ROBO1: variants seen among roughly 807,000 people sequenced by gnomAD.
ROBO1 encodes the protein roundabout guidance receptor 1.
ROBO1 carries 149 observed loss-of-function variants against 195.9 expected under a neutral mutation model. The ratio of observed to expected loss-of-function variants is 0.76; its 90% CI spans 0.67 to 0.87. The LOEUF is 0.87. Among genes scored for constraint, ROBO1 ranks in the 40% least tolerant of loss-of-function variants. The pLI, the probability that ROBO1 is intolerant of heterozygous loss-of-function variation, is 0.00. For synonymous variants in ROBO1, 816 were observed against 733.2 expected, an observed-to-expected ratio of 1.11 and a Z score of -1.82; for missense variants, 1,933 against 2,068.3, an observed-to-expected ratio of 0.93 and a Z score of 1.27.
chr3:79,401,187 T>A lies in ROBO1; in HGVS notation c.88+188637A>T, dbSNP rs551106894. Among the ~76,000 whole-genome samples the A allele has an allele frequency of 4.5e-3, 674 of 151,432 alleles. 2 individuals carry two copies. The highest frequency in any genetic ancestry group is 0.014 in the South Asian group (66 of 4,810). ...TATTCCTAAGAATTACTGATTTTTT[T>A]AAAAAAAAATTAGCTCTAATTTCCC... On this transcript the variant is annotated intron_variant, in intron 2 of 30. Coordinates refer to ENST00000464233, the MANE Select transcript of ROBO1 (RefSeq NM_002941.4).
At chr3:79,614,246 G>T (rs1177792408) in intron 1 of ROBO1, among the ~76,000 whole-genome samples, 3 of 152,028 alleles carry the variant, frequency 2.0e-5, no homozygotes, top group Non-Finnish European at 4.4e-5. Flanking sequence ...TGCTCATTCT[G>T]GGCCAGAAAA....
intron 4 of ROBO1, among the ~76,000 whole-genome samples, chr3:78,853,894 T>C (rs1260074831): frequency 6.6e-6 from 1 of 151,956 alleles, no homozygotes; most frequent in Non-Finnish European, 1.5e-5. Context: ...CCATCAGATC[T>C]CATGAGACTT....
chr3:79,519,646 A>AG (rs1553757507), intron 2 of ROBO1, among the ~76,000 whole-genome samples: 2 of 149,122 alleles, frequency 1.3e-5, no homozygotes, highest in African/African-American at 5.1e-5. Flanking sequence ...AAAAAAAAAA[A>AG]AAAGAAAAGA....
intron 2 of ROBO1, among the ~76,000 whole-genome samples, chr3:79,246,833 T>C (rs1019587618): frequency 2.6e-5 from 4 of 152,038 alleles, no homozygotes; most frequent in African/African-American, 7.2e-5. Flanking sequence ...AGTGAATCCA[T>C]AGAAAGCCCT....
At chr3:79,597,002 A>G (rs2107846568) in intron 1 of ROBO1, among the ~76,000 whole-genome samples, 1 of 152,196 alleles carries the variant, frequency 6.6e-6, no homozygotes, top group Middle Eastern at 3.4e-3. Flanking sequence ...ATTGCAAAAG[A>G]AAGGAAACAG....
intron 5 of ROBO1, among the ~76,000 whole-genome samples, chr3:78,742,668 G>A (rs2082561096): frequency 6.6e-6 from 1 of 152,128 alleles, no homozygotes; most frequent in Non-Finnish European, 1.5e-5. Context: ...AGTTTCAGAT[G>A]TTACAACTTC....
At chr3:79,319,067 C>A (rs1474540401) in intron 2 of ROBO1, among the ~76,000 whole-genome samples, 1 of 152,170 alleles carries the variant, frequency 6.6e-6, no homozygotes, top group Non-Finnish European at 1.5e-5. Flanking sequence ...GTGTAACTAT[C>A]TCCTGAATAA....
At chr3:79,468,789 T>C (rs1365039535) in intron 2 of ROBO1, among the ~76,000 whole-genome samples, 5 of 152,160 alleles carry the variant, frequency 3.3e-5, no homozygotes, top group Admixed American at 3.3e-4. Flanking sequence ...TCTCAGTCTT[T>C]CACTGATTGC....
At chr3:79,073,631 T>C (rs2079123956) in intron 3 of ROBO1, among the ~76,000 whole-genome samples, 1 of 151,832 alleles carries the variant, frequency 6.6e-6, no homozygotes, top group African/African-American at 2.4e-5. Context: ...AAAAAATATA[T>C]ATATGATCTC....
intron 4 of ROBO1, among the ~76,000 whole-genome samples, chr3:78,849,075 T>A (rs1333988901): frequency 1.3e-5 from 2 of 152,090 alleles, no homozygotes; most frequent in African/African-American, 4.8e-5. Context: ...GGGATTGAAG[T>A]TGAGCAAATA....
intron 1 of ROBO1, among the ~76,000 whole-genome samples, chr3:79,715,174 A>G (rs1288547073): frequency 6.6e-6 from 1 of 152,098 alleles, no homozygotes; most frequent in Non-Finnish European, 1.5e-5. Context: ...ATGACAACAA[A>G]GGATTTAAAA....
chr3:79,577,635 G>A (rs1339466444), intron 2 of ROBO1, among the ~76,000 whole-genome samples: 1 of 151,592 alleles, frequency 6.6e-6, no homozygotes, highest in Non-Finnish European at 1.5e-5. Context: ...CAGCACTATG[G>A]GAGGCCAAGG....
chr3:78,949,492 T>C lies in ROBO1; in HGVS notation c.173-10565A>G, dbSNP rs1371421917. Among the ~76,000 whole-genome samples the C allele has an allele frequency of 5.3e-5, 8 of 151,900 alleles. No homozygotes were observed. The South Asian group carries it at 6.2e-4, about 12-fold the overall frequency. On this transcript the variant is annotated intron_variant, in intron 3 of 30. Coordinates refer to ENST00000464233, the MANE Select transcript of ROBO1 (RefSeq NM_002941.4). ...GCTGAAACTGGATCCCTTCCTTACA[T>C]CTTATACAAAAATTAATTCCAGATG...
chr3:78,646,209 A>AC lies in ROBO1; in HGVS notation c.2840-20_2840-19insG. The AC allele has an allele frequency of 6.2e-7, 1 of 1,604,438 alleles. No individual in the cohort carries two copies. The highest frequency in any genetic ancestry group is 8.5e-7 in the Non-Finnish European group (1 of 1,173,238). ...TAAGTTACTAGAATGTTACGAAAAAAAAAAGGAACAATTAATAGACATATT... is the reference window on the plus strand; with the variant it reads ...TAAGTTACTAGAATGTTACGAAAAAACAAAAGGAACAATTAATAGACATATT... On this transcript the variant is annotated intron_variant, in intron 20 of 30. Transcript: ENST00000464233.
At chr3:79,057,623 G>A (rs1256818189) in intron 3 of ROBO1, among the ~76,000 whole-genome samples, 7 of 151,966 alleles carry the variant, frequency 4.6e-5, no homozygotes, top group Middle Eastern at 3.4e-3. Flanking sequence ...TATTACCCTG[G>A]AAATAACATC....
chr3:79,722,617 T>A (rs1043180698), intron 1 of ROBO1, among the ~76,000 whole-genome samples: 90 of 152,326 alleles, frequency 5.9e-4, no homozygotes, highest in African/African-American at 2.1e-3. Context: ...TCAAAGATAA[T>A]CTATAACTTT....
chr3:79,753,736 T>A, intron 1 of ROBO1, among the ~76,000 whole-genome samples: 1 of 152,084 alleles, frequency 6.6e-6, no homozygotes, highest in East Asian at 1.9e-4. Flanking sequence ...ACACAGCTTT[T>A]GAAACACTCA....
chr3:79,459,420 A>T (rs2107249265), intron 2 of ROBO1, among the ~76,000 whole-genome samples: 1 of 152,316 alleles, frequency 6.6e-6, no homozygotes, highest in East Asian at 1.9e-4. Context: ...TACCACAGGC[A>T]TTGTCAACAG....
intron 4 of ROBO1, among the ~76,000 whole-genome samples, chr3:78,895,282 G>A (rs1050034402): frequency 2.6e-5 from 4 of 151,920 alleles, no homozygotes; most frequent in Non-Finnish European, 1.5e-5. Flanking sequence ...AAATGCAGAA[G>A]CTTTAAACAT....
Sources: allele counts gnomAD v4.1 joint callset (sites outside exome capture counted in the v4.1 genomes callset), GRCh38; gene constraint gnomAD v4.1.1; transcripts MANE v1.5; gene names NCBI Gene and HGNC (gene_info 2026-07-23, HGNC 2026-07-21).